SLCO2A1: variants seen among roughly 807,000 people sequenced by gnomAD.
SLCO2A1 encodes solute carrier organic anion transporter family member 2A1.
Under a neutral mutation model 71.7 loss-of-function variants are expected in SLCO2A1, and 60 were observed. The observed-to-expected ratio is 0.84, with a 90% CI of 0.68 to 1.04. The LOEUF (loss-of-function observed/expected upper bound fraction) is 1.04, where lower values mean the gene tolerates loss of function less well. Among genes scored for constraint, SLCO2A1 ranks in the 50% least tolerant of loss-of-function variants. SLCO2A1 has a pLI of 0.00. For missense variants in SLCO2A1, 745 were observed against 813.4 expected, an observed-to-expected ratio of 0.92 and a Z score of 1.02; for synonymous variants, 308 against 326.7, an observed-to-expected ratio of 0.94 and a Z score of 0.62.
At chr3:134,028,127 G>A (rs976474408) in intron 1 of SLCO2A1, among the ~76,000 whole-genome samples, 4 of 152,114 alleles carry the variant, frequency 2.6e-5, no homozygotes, top group African/African-American at 7.2e-5. Context: ...GAACCAGGGT[G>A]GGTCTAAACG....
intron 1 of SLCO2A1, among the ~76,000 whole-genome samples, chr3:133,993,260 C>T (rs1934892603): frequency 6.6e-6 from 1 of 152,244 alleles, no homozygotes; most frequent in Non-Finnish European, 1.5e-5. Flanking sequence ...CCGTGCACTC[C>T]AGTTCCCGCC....
intron 1 of SLCO2A1, among the ~76,000 whole-genome samples, chr3:134,022,065 GAA>G (rs111423575): frequency 3.2e-5 from 4 of 125,594 alleles, no homozygotes; most frequent in Admixed American, 8.1e-5. Flanking sequence ...TATCCTAAAG[GAA>G]AAAAAAAAAA....
In SLCO2A1 at chr3:133,945,883, G is replaced by A. The variant is rs529698129; in HGVS notation, c.1296-623C>T. Reference sequence around the variant, plus strand: ...AATTATACGAATGAGAGTTCATCTCGTGCCAGGCACTGTGCCCGGGGGCTT... The same window carrying A: ...AATTATACGAATGAGAGTTCATCTCATGCCAGGCACTGTGCCCGGGGGCTT... On this transcript the variant is annotated intron_variant, in intron 9 of 13. Coordinates refer to ENST00000310926, the MANE Select transcript of SLCO2A1 (RefSeq NM_005630.3). Among the ~76,000 whole-genome samples the A allele has an allele frequency of 5.4e-4, 82 of 152,286 alleles. 1 individual carries two copies. In the South Asian group the frequency reaches 0.011, roughly 21 times the overall value.
chr3:133,956,418 G>T (rs1227295257), intron 3 of SLCO2A1, among the ~76,000 whole-genome samples: 1 of 152,196 alleles, frequency 6.6e-6, no homozygotes, highest in East Asian at 1.9e-4. Flanking sequence ...CTCTCCAGTG[G>T]TGTCTATGCA....
chr3:133,955,326 G>T, intron 3 of SLCO2A1, 133 bp from the exon 4 acceptor site: 1 of 670,252 alleles, frequency 1.5e-6, no homozygotes, highest in East Asian at 2.7e-5. Context: ...TAGCAAATGG[G>T]ACATGGTTCC....
intron 10 of SLCO2A1, 28 bp downstream of exon 10, chr3:133,945,067 C>T (rs1420930282): frequency 1.3e-6 from 2 of 1,593,738 alleles, no homozygotes; most frequent in African/African-American, 2.7e-5. Context: ...TGGGGCTCCT[C>T]TTGCCTCTGG....
chr3:134,014,222 C>T (rs1317929291), intron 1 of SLCO2A1, among the ~76,000 whole-genome samples: 3 of 152,110 alleles, frequency 2.0e-5, no homozygotes. Context: ...GGAGACAGTG[C>T]CAAATGCTGA....
intron 12 of SLCO2A1, among the ~76,000 whole-genome samples, chr3:133,937,096 C>A (rs536635418): frequency 6.6e-6 from 1 of 151,968 alleles, no homozygotes; most frequent in Non-Finnish European, 1.5e-5. Context: ...TCAAGCAGTG[C>A]GAGAGAGTCC....
In SLCO2A1 at chr3:133,932,772, A is replaced by G. The variant is rs1016865332; in HGVS notation, c.*1941T>C. ...GGTTTGGGAGTGCAACCAATCTTCT[A>G]GAACCTGAAGGTTGGCATTCATTGT... On this transcript the variant is annotated 3_prime_UTR_variant, in exon 14 of 14. Coordinates refer to ENST00000310926, the MANE Select transcript of SLCO2A1 (RefSeq NM_005630.3). 1 of 152,632 alleles carries G rather than the reference A, an allele frequency of 6.6e-6. No homozygotes were observed. Among genetic ancestry groups the G allele is most frequent in the African/African-American group, 2.4e-5 (1 of 41,462 alleles). 9.5% of individuals were successfully genotyped at this position (152,632 alleles called of 1,614,324 possible). A position where few individuals can be genotyped will look rare whatever the true frequency, so the allele number is the denominator to read the frequency against.
At chr3:133,973,446 G>A (rs188084703) in intron 3 of SLCO2A1, among the ~76,000 whole-genome samples, 1 of 152,318 alleles carries the variant, frequency 6.6e-6, no homozygotes, top group African/African-American at 2.4e-5. Context: ...CTGGCATGAA[G>A]CACAGGGAAT....
chr3:134,009,249 C>T (rs553321293), intron 1 of SLCO2A1, among the ~76,000 whole-genome samples: 10 of 152,258 alleles, frequency 6.6e-5, no homozygotes, highest in South Asian at 2.1e-4. Flanking sequence ...AGTATAGGTA[C>T]GTGCCCTTCA....
intron 1 of SLCO2A1, among the ~76,000 whole-genome samples, chr3:134,010,751 CAAAAAA>C (rs57260052): frequency 2.8e-5 from 2 of 70,892 alleles, no homozygotes; most frequent in Non-Finnish European, 6.0e-5. Flanking sequence ...AGACTCTGTC[CAAAAAA>C]AAAAAAAAAA....
chr3:133,958,377 T>C (rs562738867), intron 3 of SLCO2A1, among the ~76,000 whole-genome samples: 1 of 151,998 alleles, frequency 6.6e-6, no homozygotes, highest in Non-Finnish European at 1.5e-5. Context: ...GTGGGCAGAG[T>C]GTTAGGCTCA....
chr3:133,991,893 C>T (rs911731445), intron 1 of SLCO2A1, among the ~76,000 whole-genome samples: 2 of 152,242 alleles, frequency 1.3e-5, no homozygotes, highest in Non-Finnish European at 2.9e-5. Context: ...AGCAAAGGCA[C>T]CCTCTGAGGC....
intron 6 of SLCO2A1, among the ~76,000 whole-genome samples, chr3:133,949,415 C>T (rs1933677894): frequency 6.6e-6 from 1 of 152,044 alleles, no homozygotes; most frequent in South Asian, 2.1e-4. Context: ...TATCTCCTCT[C>T]TGGGATTCTT....
chr3:134,008,746 G>T (rs889024658), intron 1 of SLCO2A1, among the ~76,000 whole-genome samples: 5 of 152,244 alleles, frequency 3.3e-5, no homozygotes, highest in Non-Finnish European at 7.3e-5. Context: ...GCCCCTGGGA[G>T]TGGGCACCAG....
chr3:134,006,427 TTC>T (rs1168087375), intron 1 of SLCO2A1, among the ~76,000 whole-genome samples: 1 of 152,120 alleles, frequency 6.6e-6, no homozygotes, highest in African/African-American at 2.4e-5. Context: ...TAGAACTCTT[TTC>T]GTCTTGCAAA....
At chr3:133,977,371 T>A (rs1010040025) in intron 2 of SLCO2A1, among the ~76,000 whole-genome samples, 4 of 152,242 alleles carry the variant, frequency 2.6e-5, no homozygotes, top group Admixed American at 1.3e-4. Context: ...CATTGCCTAA[T>A]CAACCTCCTG....
intron 3 of SLCO2A1, among the ~76,000 whole-genome samples, chr3:133,960,363 T>C (rs1051483772): frequency 3.3e-5 from 5 of 152,186 alleles, no homozygotes; most frequent in Admixed American, 6.5e-5. Flanking sequence ...TGGAATATTA[T>C]ACAGCTGTAA....
Sources: gnomAD v4.1 joint callset for allele counts (sites outside exome capture counted in the v4.1 genomes callset) on GRCh38, gnomAD v4.1.1 for gene constraint, MANE v1.5 for transcripts, NCBI Gene and HGNC (gene_info 2026-07-23, HGNC 2026-07-21) for gene names.